The following EIF5B variants were observed in gnomAD, a reference collection of about 807,000 sequenced individuals.
EIF5B encodes the protein eukaryotic translation initiation factor 5B.
EIF5B carries 47 observed loss-of-function variants against 147.5 expected under a neutral mutation model. The observed-to-expected ratio is 0.32, with a 90% CI of 0.25 to 0.41. The LOEUF (loss-of-function observed/expected upper bound fraction) is 0.41, where lower values mean the gene tolerates loss of function less well. Among genes scored for constraint, EIF5B ranks in the 10% least tolerant of loss-of-function variants. The pLI is 1.00. For synonymous variants in EIF5B, 455 were observed against 456.2 expected, an observed-to-expected ratio of 1.00 and a Z score of 0.03; for missense variants, 1,064 against 1,413.2, an observed-to-expected ratio of 0.75 and a Z score of 3.96.
chr2:99,380,547 A>G (rs1302562090), intron 12 of EIF5B, among the ~76,000 whole-genome samples: 1 of 152,190 alleles, frequency 6.6e-6, no homozygotes, highest in Non-Finnish European at 1.5e-5. Context: ...TTCCCGGCTC[A>G]TGTAATATAG....
chr2:99,377,885 T>C (rs1674596361), intron 10 of EIF5B, among the ~76,000 whole-genome samples: 1 of 152,190 alleles, frequency 6.6e-6, no homozygotes, highest in Non-Finnish European at 1.5e-5. Context: ...CATTGTGGAA[T>C]GGGGTTTGTA....
At chr2:99,375,821 T>C (rs1297379140) in intron 9 of EIF5B, among the ~76,000 whole-genome samples, 2 of 152,174 alleles carry the variant, frequency 1.3e-5, no homozygotes, top group Non-Finnish European at 2.9e-5. Flanking sequence ...AATTCAAAAA[T>C]CTGAAATCTG....
chr2:99,370,219 A>G (rs1488371069), intron 8 of EIF5B, among the ~76,000 whole-genome samples: 1 of 152,120 alleles, frequency 6.6e-6, no homozygotes, highest in Non-Finnish European at 1.5e-5. Context: ...ATTGTGGGGT[A>G]TCTGTGTATA....
At chr2:99,396,153 A>AT (rs1055593915) in intron 21 of EIF5B, among the ~76,000 whole-genome samples, 1 of 152,132 alleles carries the variant, frequency 6.6e-6, no homozygotes, top group Non-Finnish European at 1.5e-5. Context: ...AAATATTAGG[A>AT]TTTAGACTGG....
intron 1 of EIF5B, among the ~76,000 whole-genome samples, chr2:99,341,503 G>A (rs963027995): frequency 1.3e-5 from 2 of 152,118 alleles, no homozygotes; most frequent in Non-Finnish European, 2.9e-5. Context: ...CTTTATTTAT[G>A]CTTCTAAGTT....
chr2:99,362,576 G>A (rs1674241581), intron 4 of EIF5B, among the ~76,000 whole-genome samples: 1 of 151,964 alleles, frequency 6.6e-6, no homozygotes, highest in Non-Finnish European at 1.5e-5. Flanking sequence ...GCGGGCGCCT[G>A]TAGTCCCAGC....
chr2:99,370,068 C>G (rs1574930139), intron 8 of EIF5B, among the ~76,000 whole-genome samples: 1 of 152,144 alleles, frequency 6.6e-6, no homozygotes, highest in East Asian at 1.9e-4. Context: ...AAAAAAAGAT[C>G]TGAAGGTCTT....
intron 1 of EIF5B, among the ~76,000 whole-genome samples, chr2:99,343,230 A>G (rs952587505): frequency 3.3e-5 from 5 of 151,714 alleles, no homozygotes; most frequent in Non-Finnish European, 7.4e-5. Context: ...TGCTGGGATC[A>G]TAGGTGTGAG....
intron 21 of EIF5B, 122 bp downstream of exon 21, chr2:99,395,005 T>A (rs1377525463): frequency 6.4e-6 from 6 of 933,646 alleles, no homozygotes; most frequent in Non-Finnish European, 9.3e-6. Flanking sequence ...AGAGGCTGCA[T>A]CCTGAAATGG....
In EIF5B at chr2:99,390,282, A is replaced by G. The variant is rs770574731; in HGVS notation, c.2467A>G (p.Thr823Ala). ...DPRTFVSLVPTSAHTGDGMGS... is the reference protein window; with the variant it reads ...DPRTFVSLVPASAHTGDGMGS... ...CCGCACTTTTGTGTCTTTGGTACCT[A>G]CCTCTGCACATACTGGTGATGGCAT... The change falls in exon 16 of 24, where the codon ACC (threonine) becomes GCC (alanine). Residue 823 changes from threonine (T) to alanine (A), a missense_variant. Physicochemically the swap from Thr to Ala is moderately conservative, Grantham distance 58 (BLOSUM62 0). Around this residue, in one of 4 missense-constraint regions of EIF5B, gnomAD observed 380 missense variants for 715.6 expected, o/e 0.53. Transcript: ENST00000289371. 1 of 1,613,996 alleles carries G rather than the reference A, an allele frequency of 6.2e-7. No individual in the cohort carries two copies. The highest frequency in any genetic ancestry group is 8.5e-7 in the Non-Finnish European group (1 of 1,179,992).
In EIF5B at chr2:99,361,269, CAAA is replaced by C; in HGVS notation, c.372_374del (p.Lys125del). 1.9e-6 allele frequency: 3 copies of C among 1,612,162 alleles called. No homozygotes were observed. Among genetic ancestry groups the C allele is most frequent in the Non-Finnish European group, 2.5e-6 (3 of 1,179,450 alleles). On this transcript the variant is annotated inframe_deletion, in exon 4 of 24. Transcript: ENST00000289371. Reference sequence around the variant, plus strand: ...GAATTGGAAGATAAAGATTCAAAATCAAAAAAGACTGCAAAACCGAAAGTGGAA... The same window carrying C: ...GAATTGGAAGATAAAGATTCAAAATCAAAGACTGCAAAACCGAAAGTGGAA...
At chr2:99,391,862 G>A (rs934583776) in intron 17 of EIF5B, among the ~76,000 whole-genome samples, 2 of 151,012 alleles carry the variant, frequency 1.3e-5, no homozygotes, top group Non-Finnish European at 2.9e-5. Context: ...CTCCTGAATA[G>A]TTGGGACTAT....
At chr2:99,392,565 G>A (rs1330975626) in intron 17 of EIF5B, among the ~76,000 whole-genome samples, 1 of 152,188 alleles carries the variant, frequency 6.6e-6, no homozygotes, top group Non-Finnish European at 1.5e-5. Context: ...TCTGCTAAGT[G>A]TGTAGCTCAT....
intron 9 of EIF5B, among the ~76,000 whole-genome samples, chr2:99,373,666 C>T (rs1267311399): frequency 1.3e-5 from 2 of 152,086 alleles, no homozygotes; most frequent in East Asian, 3.9e-4. Flanking sequence ...TTATATTTTA[C>T]CTAGAGTACT....
chr2:99,368,640 TC>T, intron 7 of EIF5B, 49 bp downstream of exon 7: 2 of 1,383,882 alleles, frequency 1.4e-6, no homozygotes, highest in South Asian at 1.2e-5. Flanking sequence ...TGTTTGCCTT[TC>T]CCCCACAATC....
rs773121544 is a variant in EIF5B at position 99,389,868 on chromosome 2, T to C, written c.2403+19T>C. On this transcript the variant is annotated intron_variant, in intron 15 of 23. Transcript: ENST00000289371. ...ACAGCAGGTAAGAAGGCCTTCCTTCTTTCTGAAGAGCCTATCTCAGAATAT... is the reference window on the plus strand; with the variant it reads ...ACAGCAGGTAAGAAGGCCTTCCTTCCTTCTGAAGAGCCTATCTCAGAATAT... 1.2e-5 allele frequency: 19 copies of C among 1,594,220 alleles called. No homozygotes were observed. Among genetic ancestry groups the C allele is most frequent in the Middle Eastern group, 3.6e-4 (2 of 5,498 alleles).
intron 1 of EIF5B, among the ~76,000 whole-genome samples, chr2:99,347,262 C>G (rs1421015684): frequency 2.4e-4 from 37 of 152,212 alleles, no homozygotes; most frequent in South Asian, 2.1e-4. Flanking sequence ...CTGCCTTGGC[C>G]TCCCAAAGTG....
chr2:99,339,979 A>G (rs2094256312), intron 1 of EIF5B, among the ~76,000 whole-genome samples: 1 of 152,154 alleles, frequency 6.6e-6, no homozygotes, highest in African/African-American at 2.4e-5. Context: ...AAGTGGTGGC[A>G]ATATAATTTT....
Position 99,356,415 on chromosome 2 carries a change from G to A in EIF5B, c.36-3821G>A, listed in dbSNP as rs541550817. ...GCATATTTAGCTTTCTTCTGCACAC[G>A]TTTGTCTCTTCCCCATTTATTTACT... On this transcript the variant is annotated intron_variant, in intron 1 of 23. Coordinates refer to ENST00000289371, the MANE Select transcript of EIF5B (RefSeq NM_015904.4). Among the ~76,000 whole-genome samples the A allele has an allele frequency of 3.3e-5, 5 of 152,176 alleles. No homozygotes were observed. In the South Asian group the frequency reaches 6.2e-4, roughly 19 times the overall value.
Sources: gnomAD v4.1 joint callset for allele counts (sites outside exome capture counted in the v4.1 genomes callset) on GRCh38, gnomAD v4.1.1 for gene constraint, gnomAD v4.1.1 regional missense constraint, MANE v1.5 for transcripts, NCBI Gene and HGNC (gene_info 2026-07-23, HGNC 2026-07-21) for gene names.